The following KLC1 variants were observed in gnomAD, a reference collection of about 807,000 sequenced individuals.
The protein encoded by KLC1 is kinesin 2 60/70kDa.
Under a neutral mutation model 84.2 loss-of-function variants are expected in KLC1, and 30 were observed. That is an observed-to-expected ratio of 0.36 (90% CI 0.27 to 0.48). The LOEUF is 0.48. Ranked by LOEUF, KLC1 falls within the 20% of genes least tolerant of loss-of-function variation. The probability of loss-of-function intolerance (pLI) is 0.99; values close to 1 mark genes in which losing one functional copy is unlikely to be tolerated. For synonymous variants in KLC1, 289 were observed against 293.3 expected (o/e 0.99, Z 0.15); for missense variants, 499 against 805.4 (o/e 0.62, Z 4.60).
chr14:103,633,000 G>A (rs1452235842), intron 1 of KLC1, among the ~76,000 whole-genome samples: 2 of 152,110 alleles, frequency 1.3e-5, no homozygotes, highest in African/African-American at 4.8e-5. Flanking sequence ...GTTAGGAAAG[G>A]CCTTGAATGA....
chr14:103,635,759 GA>G lies in KLC1; in HGVS notation c.-2+6276del, dbSNP rs371271297. On this transcript the variant is annotated intron_variant, in intron 1 of 16. Coordinates refer to ENST00000334553, the MANE Select transcript of KLC1 (RefSeq NM_001394837.1). Reference sequence around the variant, plus strand: ...CAGAGTGAGACTCCCATCTCAAAAAGAAAAAAAAAAAGTAAAATAGGTACTG... The same window carrying G: ...CAGAGTGAGACTCCCATCTCAAAAAGAAAAAAAAAAGTAAAATAGGTACTG... Among the ~76,000 whole-genome samples the G allele has an allele frequency of 6.8e-3, 959 of 141,750 alleles. 12 individuals carry two copies. Among genetic ancestry groups the G allele is most frequent in the African/African-American group, 0.023 (882 of 38,850 alleles). 93.0% of individuals were successfully genotyped at this position (141,750 alleles called of 152,430 possible).
chr14:103,630,328 A>T (rs570723369), intron 1 of KLC1, among the ~76,000 whole-genome samples: 1 of 152,314 alleles, frequency 6.6e-6, no homozygotes, highest in Non-Finnish European at 1.5e-5. Flanking sequence ...TTCTAGGTAT[A>T]TTTGTATTAG....
chr14:103,680,658 C>T (rs767495325), intron 13 of KLC1, among the ~76,000 whole-genome samples: 9 of 152,230 alleles, frequency 5.9e-5, no homozygotes, highest in Admixed American at 3.9e-4. Context: ...TTTGCCCACT[C>T]AACCCCAGTT....
At position 103,694,261 on chromosome 14, in the gene KLC1, T is replaced by A; in HGVS notation, c.1848+1836T>A. 1.0e-6 allele frequency: 1 copy of A among 983,890 alleles called. No individual in the cohort carries two copies. The highest frequency in any genetic ancestry group is 1.2e-6 in the Non-Finnish European group (1 of 829,384). The allele number at this position is 983,890 out of a possible 1,614,324, so 60.9% of individuals were successfully genotyped here. A position where few individuals can be genotyped will look rare whatever the true frequency, so the allele number is the denominator to read the frequency against. The stretch of plus-strand genomic sequence containing the variant: ...AGACGTGTGTTTCACTTTTTTTTTT[T>A]TTTTTTTTGAGACGGAGTCTAACTC... On this transcript the variant is annotated intron_variant, in intron 15 of 16. Transcript: ENST00000334553. The surrounding 1 kb of genome is among the most constrained non-coding windows in gnomAD (Gnocchi z 4.5).
At chr14:103,647,099 A>G (rs1001720893) in intron 1 of KLC1, among the ~76,000 whole-genome samples, 1 of 152,138 alleles carries the variant, frequency 6.6e-6, no homozygotes, top group South Asian at 2.1e-4. Flanking sequence ...ACAAATCCTT[A>G]CCTGTCAAGT....
intron 13 of KLC1, chr14:103,683,379 C>T (rs756624254): frequency 4.6e-5 from 7 of 152,130 alleles, no homozygotes; most frequent in Admixed American, 2.0e-4. Flanking sequence ...ATCTGGAAGC[C>T]GCCGTCACCG....
rs2077485787 is a variant in KLC1 at position 103,641,501 on chromosome 14, G to A, written c.-2+12007G>A. On this transcript the variant is annotated intron_variant, in intron 1 of 16. Transcript: ENST00000334553. ...AGGGTGCCAGCATGGTCAGATTCTG[G>A]TGCAGACCCTCTTTCTGGTTGCATG... Among the ~76,000 whole-genome samples the A allele has an allele frequency of 3.3e-5, 5 of 152,234 alleles. No homozygotes were observed. In the South Asian group the frequency reaches 1.0e-3, roughly 32 times the overall value.
Position 103,700,671 on chromosome 14 carries a change from C to T in KLC1, c.1865C>T (p.Ala622Val). Reference protein sequence around the residue: ...EDRFQGVSGRASFCGKRQQQQ... With the variant: ...EDRFQGVSGRVSFCGKRQQQQ... ...CATCTCCAGGGCGTCTCTGGCCGAG[C>T]CTCTTTTTGTGGAAAACGACAGCAG... is the stretch of plus-strand genomic sequence containing the variant. Residue 622 changes from alanine to valine, a missense_variant, in exon 16 of 17, where the codon GCC becomes GTC. This residue lies in a region of KLC1 where 167 missense variants were observed against 208.8 expected (regional missense o/e 0.80). Transcript: ENST00000334553. 1 of 1,607,642 alleles carries T rather than the reference C, an allele frequency of 6.2e-7. No homozygotes were observed. The highest frequency in any genetic ancestry group is 8.5e-7 in the Non-Finnish European group (1 of 1,177,552).
intron 11 of KLC1, among the ~76,000 whole-genome samples, chr14:103,676,446 A>G (rs2080882374): frequency 6.6e-6 from 1 of 152,086 alleles, no homozygotes; most frequent in South Asian, 2.1e-4. Flanking sequence ...TTGTATTTTT[A>G]GTAGAGACAG....
intron 14 of KLC1, among the ~76,000 whole-genome samples, chr14:103,691,341 G>A (rs1467491085): frequency 1.3e-5 from 2 of 149,454 alleles, no homozygotes; most frequent in East Asian, 4.0e-4. Context: ...TGCATTTTTA[G>A]TAGAGACAGG....
At position 103,673,243 on chromosome 14, in the gene KLC1, C is replaced by T. The variant is rs887910318; in HGVS notation, c.1161+56C>T. On this transcript the variant is annotated intron_variant, in intron 8 of 16. Transcript: ENST00000334553. ...GCCAGGAGTGCTTTCGTCCCAAGTC[C>T]AAACACTTTCTCATTTAACTGGAGA... The T allele has an allele frequency of 8.9e-6, 14 of 1,570,688 alleles. No individual in the cohort carries two copies. In the African/African-American group the frequency reaches 1.9e-4, roughly 22 times the overall value.
intron 1 of KLC1, among the ~76,000 whole-genome samples, chr14:103,640,163 C>A (rs1344651346): frequency 6.6e-6 from 1 of 152,110 alleles, no homozygotes; most frequent in Non-Finnish European, 1.5e-5. Flanking sequence ...CAGGTTCATG[C>A]GATTCTACTG....
intron 5 of KLC1, among the ~76,000 whole-genome samples, chr14:103,665,547 G>T (rs2079700733): frequency 6.6e-6 from 1 of 152,022 alleles, no homozygotes; most frequent in South Asian, 2.1e-4. Context: ...CATTTCTCCT[G>T]CCTCAGCCTC....
chr14:103,672,512 C>G (rs1436830868), intron 7 of KLC1, among the ~76,000 whole-genome samples: 2 of 152,078 alleles, frequency 1.3e-5, no homozygotes, highest in Non-Finnish European at 2.9e-5. Context: ...TGTGAGTTCA[C>G]TAGGTGAGGT....
At chr14:103,633,472 G>A (rs75986142) in intron 1 of KLC1, among the ~76,000 whole-genome samples, 2,494 of 152,208 alleles carry the variant, frequency 0.016, 63 homozygotes, top group African/African-American at 0.056. Flanking sequence ...ACCCCAACTC[G>A]GCAAGCCTCA....
chr14:103,681,548 C>T (rs909674395), intron 13 of KLC1, among the ~76,000 whole-genome samples: 15 of 152,050 alleles, frequency 9.9e-5, no homozygotes, highest in African/African-American at 3.1e-4. Flanking sequence ...CAACCTCTGC[C>T]TCCTGGTTCA....
At chr14:103,699,426 G>C (rs2151909147) in intron 15 of KLC1, 1 of 1,612,836 alleles carries the variant, frequency 6.2e-7, no homozygotes, top group Non-Finnish European at 8.5e-7. Context: ...GTGGCCCCCA[G>C]GGACTGCAGA....
chr14:103,641,762 C>T (rs987187200), intron 1 of KLC1, among the ~76,000 whole-genome samples: 2 of 151,924 alleles, frequency 1.3e-5, no homozygotes, highest in African/African-American at 4.8e-5. Context: ...GCTGGGACTA[C>T]AGGTGCACAC....
chr14:103,674,235 T>C (rs2080683690), intron 9 of KLC1, among the ~76,000 whole-genome samples: 1 of 152,206 alleles, frequency 6.6e-6, no homozygotes, highest in Non-Finnish European at 1.5e-5. Flanking sequence ...CATATCATCA[T>C]GTATACTGCT....
Sources: allele counts gnomAD v4.1 joint callset (sites outside exome capture counted in the v4.1 genomes callset), GRCh38; gene constraint gnomAD v4.1.1; regional missense constraint gnomAD v4.1.1; non-coding constraint Gnocchi (gnomAD v3.1); transcripts MANE v1.5; gene names NCBI Gene and HGNC (gene_info 2026-07-23, HGNC 2026-07-21).